The following KCNH8 variants were observed in gnomAD, a reference collection of about 807,000 sequenced individuals.
KCNH8 encodes voltage-gated delayed rectifier potassium channel KCNH8.
KCNH8 carries 70 observed loss-of-function variants against 103.6 expected under a neutral mutation model. The observed-to-expected ratio is 0.68, with a 90% CI of 0.56 to 0.82. The LOEUF (loss-of-function observed/expected upper bound fraction) is 0.82, where lower values mean the gene tolerates loss of function less well. Among genes scored for constraint, KCNH8 ranks in the 40% least tolerant of loss-of-function variants. The probability of loss-of-function intolerance (pLI) is 0.00; values close to 1 mark genes in which losing one functional copy is unlikely to be tolerated. For synonymous variants in KCNH8, 498 were observed against 489.4 expected, an observed-to-expected ratio of 1.02 and a Z score of -0.23; for missense variants, 1,217 against 1,329.9, an observed-to-expected ratio of 0.92 and a Z score of 1.32.
At chr3:19,333,236 A>G (rs1187757026) in intron 3 of KCNH8, among the ~76,000 whole-genome samples, 1 of 152,118 alleles carries the variant, frequency 6.6e-6, no homozygotes, top group African/African-American at 2.4e-5. Context: ...AGTTCTTTAT[A>G]TATTCTACAT....
At chr3:19,326,683 A>G (rs1039213476) in intron 3 of KCNH8, among the ~76,000 whole-genome samples, 1 of 151,916 alleles carries the variant, frequency 6.6e-6, no homozygotes, top group Middle Eastern at 3.2e-3. Context: ...AGGTGGCACT[A>G]CCCTCCTGCT....
At chr3:19,409,825 AT>A (rs1559314335) in intron 7 of KCNH8, among the ~76,000 whole-genome samples, 1 of 152,208 alleles carries the variant, frequency 6.6e-6, no homozygotes, top group African/African-American at 2.4e-5. Context: ...AGACTTGACT[AT>A]CATAAGTATG....
At chr3:19,229,204 T>G (rs1319111801) in intron 1 of KCNH8, among the ~76,000 whole-genome samples, 1 of 152,202 alleles carries the variant, frequency 6.6e-6, no homozygotes, top group Non-Finnish European at 1.5e-5. Context: ...TTGCCACTAC[T>G]TCATATCTCA....
intron 8 of KCNH8, among the ~76,000 whole-genome samples, chr3:19,448,350 C>T (rs1354190761): frequency 6.6e-6 from 1 of 151,960 alleles, no homozygotes; most frequent in African/African-American, 2.4e-5. Context: ...CTTCTCTCTG[C>T]AACATTATAT....
At chr3:19,194,758 C>T (rs1179196802) in intron 1 of KCNH8, among the ~76,000 whole-genome samples, 1 of 151,706 alleles carries the variant, frequency 6.6e-6, no homozygotes, top group East Asian at 1.9e-4. Context: ...CAAACCTACA[C>T]ATATATCATC....
chr3:19,224,113 G>T (rs935898208), intron 1 of KCNH8, among the ~76,000 whole-genome samples: 3 of 152,188 alleles, frequency 2.0e-5, no homozygotes, highest in African/African-American at 7.2e-5. Flanking sequence ...AATTGACATG[G>T]AGTGGTTTTT....
In KCNH8 at chr3:19,533,725, G is replaced by A; in HGVS notation, c.2950G>A (p.Glu984Lys). ...TCATGAGCAAAATCCTGCAGACAGT[G>A]AACTTTATCATTCTCCAAGCCTTGA... ...GAHEQNPADS[E>K]LYHSPSLDYS... Residue 984 changes from glutamate (E) to lysine (K), a missense_variant, in exon 16 of 16, where the codon GAA becomes AAA. This residue lies in a region of KCNH8 where 558 missense variants were observed against 495.8 expected (regional missense o/e 1.13). Coordinates refer to ENST00000328405, the MANE Select transcript of KCNH8 (RefSeq NM_144633.3). 3 of 1,614,122 alleles carry A rather than the reference G, an allele frequency of 1.9e-6. No homozygotes were observed. The highest frequency in any genetic ancestry group is 1.7e-5 in the Admixed American group (1 of 60,026).
chr3:19,396,854 T>C (rs1243428449), intron 7 of KCNH8, among the ~76,000 whole-genome samples: 1 of 152,042 alleles, frequency 6.6e-6, no homozygotes, highest in East Asian at 1.9e-4. Context: ...GCCCTTTGTT[T>C]TGAATTCATA....
At chr3:19,158,976 T>C (rs2063207528) in intron 1 of KCNH8, among the ~76,000 whole-genome samples, 1 of 151,994 alleles carries the variant, frequency 6.6e-6, no homozygotes, top group Non-Finnish European at 1.5e-5. Flanking sequence ...CTTCTCCTTC[T>C]TAACTTTAAG....
intron 5 of KCNH8, among the ~76,000 whole-genome samples, chr3:19,351,599 G>T (rs144682858): frequency 5.3e-5 from 8 of 152,138 alleles, no homozygotes; most frequent in Non-Finnish European, 1.2e-4. Flanking sequence ...TTAAGGAAAA[G>T]AATTTTCAAC....
At position 19,199,924 on chromosome 3, in the gene KCNH8, A is replaced by G. The variant is rs944185005; in HGVS notation, c.76+51129A>G. 3.3e-5 allele frequency among the ~76,000 whole-genome samples: 5 copies of G among 152,046 alleles called. No homozygotes were observed. The East Asian group carries it at 9.6e-4, about 29-fold the overall frequency. On this transcript the variant is annotated intron_variant, in intron 1 of 15. Coordinates refer to ENST00000328405, the MANE Select transcript of KCNH8 (RefSeq NM_144633.3). ...TGATCTAATGCCACAGTTCATTATGAAGAAGTTCATAGTAGGATTTCTTTT... is the reference window on the plus strand; with the variant it reads ...TGATCTAATGCCACAGTTCATTATGGAGAAGTTCATAGTAGGATTTCTTTT...
chr3:19,220,951 G>GAA (rs1470723136), intron 1 of KCNH8, among the ~76,000 whole-genome samples: 2 of 152,070 alleles, frequency 1.3e-5, no homozygotes, highest in African/African-American at 2.4e-5. Flanking sequence ...TCCCCTAGTG[G>GAA]GAGCTTTACC....
chr3:19,258,602 G>T (rs1325866064), intron 2 of KCNH8, among the ~76,000 whole-genome samples: 1 of 151,844 alleles, frequency 6.6e-6, no homozygotes, highest in Non-Finnish European at 1.5e-5. Flanking sequence ...CTTTTTGAAA[G>T]GATTTATTTC....
chr3:19,394,244 A>G (rs2066480705), intron 6 of KCNH8, among the ~76,000 whole-genome samples: 1 of 152,052 alleles, frequency 6.6e-6, no homozygotes, highest in African/African-American at 2.4e-5. Context: ...CTATCTTAGA[A>G]TGTTCTTTGA....
chr3:19,258,969 A>ATATATATATATC (rs2125257099), intron 2 of KCNH8, among the ~76,000 whole-genome samples: 1 of 135,500 alleles, frequency 7.4e-6, no homozygotes, highest in South Asian at 2.3e-4. Flanking sequence ...ATATATATAT[A>ATATATATATATC]TATATATATA....
intron 2 of KCNH8, among the ~76,000 whole-genome samples, chr3:19,266,993 T>A (rs1284858981): frequency 6.6e-6 from 1 of 152,090 alleles, no homozygotes; most frequent in African/African-American, 2.4e-5. Flanking sequence ...AATTAACATC[T>A]GTTTGTATGG....
intron 1 of KCNH8, among the ~76,000 whole-genome samples, chr3:19,210,463 T>C (rs1269967014): frequency 1.3e-5 from 2 of 152,208 alleles, no homozygotes; most frequent in East Asian, 3.9e-4. Flanking sequence ...AATAAAGCCT[T>C]CTTTTTGGTG....
intron 5 of KCNH8, among the ~76,000 whole-genome samples, chr3:19,349,086 T>C (rs2065765600): frequency 6.6e-6 from 1 of 152,044 alleles, no homozygotes; most frequent in Non-Finnish European, 1.5e-5. Context: ...GGACCTCTGC[T>C]GTCACCCCAG....
intron 1 of KCNH8, among the ~76,000 whole-genome samples, chr3:19,211,203 A>G (rs2063767672): frequency 6.6e-6 from 1 of 152,216 alleles, no homozygotes; most frequent in South Asian, 2.1e-4. Context: ...GAAGAAAAAC[A>G]TATACAATGA....
Sources: gnomAD v4.1 joint callset for allele counts (sites outside exome capture counted in the v4.1 genomes callset) on GRCh38, gnomAD v4.1.1 for gene constraint, gnomAD v4.1.1 regional missense constraint, MANE v1.5 for transcripts, NCBI Gene and HGNC (gene_info 2026-07-23, HGNC 2026-07-21) for gene names.